LRRTM4: variants seen among roughly 807,000 people sequenced by gnomAD.
LRRTM4 encodes the protein leucine-rich repeat transmembrane neuronal protein 4.
LRRTM4 carries 25 observed loss-of-function variants against 47.6 expected under a neutral mutation model. The observed-to-expected ratio is 0.53, with a 90% CI of 0.38 to 0.73. The LOEUF is 0.73. Ranked by LOEUF, LRRTM4 falls within the 30% of genes least tolerant of loss-of-function variation. The pLI is 0.00. For missense variants in LRRTM4, 638 were observed against 713.4 expected (o/e 0.89, Z 1.20); for synonymous variants, 311 against 269.5 (o/e 1.15, Z -1.51).
At chr2:76,958,143 T>C (rs1675736932) in intron 3 of LRRTM4, among the ~76,000 whole-genome samples, 4 of 151,790 alleles carry the variant, frequency 2.6e-5, no homozygotes, top group Admixed American at 2.6e-4. Context: ...CAGCTTTCCC[T>C]TAGTTTGACA....
intron 3 of LRRTM4, among the ~76,000 whole-genome samples, chr2:76,792,651 C>A (rs1467759725): frequency 6.6e-6 from 1 of 151,998 alleles, no homozygotes; most frequent in South Asian, 2.1e-4. Context: ...TGCTAATGAT[C>A]AATTCTCTGT....
intron 3 of LRRTM4, among the ~76,000 whole-genome samples, chr2:77,319,891 T>A (rs1677736240): frequency 2.0e-5 from 3 of 152,218 alleles, no homozygotes; most frequent in Admixed American, 6.5e-5. Context: ...TAGGCTTGTA[T>A]ATTTGGATAA....
At chr2:77,240,536 T>C (rs1675229501) in intron 3 of LRRTM4, among the ~76,000 whole-genome samples, 1 of 152,014 alleles carries the variant, frequency 6.6e-6, no homozygotes, top group African/African-American at 2.4e-5. Context: ...CTATGTTGTT[T>C]TCTCAGTCTT....
intron 3 of LRRTM4, among the ~76,000 whole-genome samples, chr2:77,473,845 C>T (rs982383944): frequency 2.0e-5 from 3 of 152,074 alleles, no homozygotes; most frequent in African/African-American, 7.2e-5. Flanking sequence ...TCTCCATTTT[C>T]TTTGGCAGGT....
chr2:77,174,359 G>T (rs1439974357), intron 3 of LRRTM4, among the ~76,000 whole-genome samples: 1 of 152,182 alleles, frequency 6.6e-6, no homozygotes, highest in Non-Finnish European at 1.5e-5. Flanking sequence ...GGGTTTTGGA[G>T]GCAGAAGTAC....
chr2:77,243,354 G>C (rs972077487), intron 3 of LRRTM4, among the ~76,000 whole-genome samples: 3 of 150,198 alleles, frequency 2.0e-5, no homozygotes, highest in African/African-American at 7.4e-5. Context: ...AGGTTGCGGT[G>C]AGCCGAGATC....
At chr2:77,123,065 T>C (rs148049303) in intron 3 of LRRTM4, among the ~76,000 whole-genome samples, 1 of 151,838 alleles carries the variant, frequency 6.6e-6, no homozygotes, top group Non-Finnish European at 1.5e-5. Flanking sequence ...CAAAAAAAAG[T>C]TTTATTTTTT....
intron 3 of LRRTM4, among the ~76,000 whole-genome samples, chr2:76,785,997 CAAT>C (rs1162377158): frequency 2.0e-5 from 3 of 152,106 alleles, no homozygotes; most frequent in Non-Finnish European, 4.4e-5. Flanking sequence ...CAATTTAACT[CAAT>C]GATACCTAGC....
chr2:76,822,138 C>T (rs1157593841), intron 3 of LRRTM4, among the ~76,000 whole-genome samples: 1 of 151,382 alleles, frequency 6.6e-6, no homozygotes, highest in Non-Finnish European at 1.5e-5. Context: ...AAAATATTTA[C>T]TCAAGAAAAT....
At chr2:77,097,416 A>G (rs1187231670) in intron 3 of LRRTM4, among the ~76,000 whole-genome samples, 1 of 152,006 alleles carries the variant, frequency 6.6e-6, no homozygotes, top group Non-Finnish European at 1.5e-5. Context: ...GTTTGAAAAT[A>G]CACATTCTTC....
Position 77,128,461 on chromosome 2 carries a change from T to C in LRRTM4, c.1552-379545A>G, listed in dbSNP as rs559097453. Among the ~76,000 whole-genome samples, 6 of 152,274 alleles carry C rather than the reference T, an allele frequency of 3.9e-5. No homozygotes were observed. The South Asian group carries it at 8.3e-4, about 21-fold the overall frequency. On this transcript the variant is annotated intron_variant, in intron 3 of 3. Coordinates refer to ENST00000409884, the MANE Select transcript of LRRTM4 (RefSeq NM_001134745.3). ...AAATTTAAAACTAAAACTTTTTCCA[T>C]TGATGTACCTGGGCCTATGTATTTG...
At chr2:77,072,091 C>T (rs1234787508) in intron 3 of LRRTM4, among the ~76,000 whole-genome samples, 1 of 151,902 alleles carries the variant, frequency 6.6e-6, no homozygotes, top group Admixed American at 6.6e-5. Context: ...TTTATATATA[C>T]ATTAAAATAA....
At chr2:77,163,936 T>G (rs1000232385) in intron 3 of LRRTM4, among the ~76,000 whole-genome samples, 1 of 152,050 alleles carries the variant, frequency 6.6e-6, no homozygotes, top group Non-Finnish European at 1.5e-5. Context: ...ATCATAATGA[T>G]AGGATCAAAT....
At chr2:77,142,374 A>T (rs757881055) in intron 3 of LRRTM4, among the ~76,000 whole-genome samples, 1 of 151,830 alleles carries the variant, frequency 6.6e-6, no homozygotes, top group Non-Finnish European at 1.5e-5. Context: ...ACTAGACTAG[A>T]TCGAAAACCT....
chr2:77,244,299 C>T (rs544571746), intron 3 of LRRTM4, among the ~76,000 whole-genome samples: 123 of 146,912 alleles, frequency 8.4e-4, no homozygotes, highest in African/African-American at 3.0e-3. Context: ...AATGGGATGG[C>T]TGGGTTAAAT....
At chr2:77,175,370 G>A (rs145734038) in intron 3 of LRRTM4, among the ~76,000 whole-genome samples, 30 of 152,118 alleles carry the variant, frequency 2.0e-4, no homozygotes, top group Non-Finnish European at 3.7e-4. Flanking sequence ...GCTAAAGGGT[G>A]GAAGGCTACC....
At chr2:76,932,413 A>C (rs936182428) in intron 3 of LRRTM4, among the ~76,000 whole-genome samples, 1 of 152,092 alleles carries the variant, frequency 6.6e-6, no homozygotes, top group African/African-American at 2.4e-5. Flanking sequence ...TGATATGTAT[A>C]CAGGTACCTA....
At chr2:77,344,749 A>G (rs144512275) in intron 3 of LRRTM4, among the ~76,000 whole-genome samples, 2 of 151,992 alleles carry the variant, frequency 1.3e-5, no homozygotes, top group East Asian at 1.9e-4. Context: ...TTATATCCCA[A>G]TCAAACCGCT....
chr2:76,840,699 A>G (rs982844545), intron 3 of LRRTM4, among the ~76,000 whole-genome samples: 4 of 152,190 alleles, frequency 2.6e-5, no homozygotes, highest in Non-Finnish European at 4.4e-5. Context: ...TAAGAAAACA[A>G]AAGAGAGAGA....
Sources: gnomAD v4.1 joint callset for allele counts (sites outside exome capture counted in the v4.1 genomes callset) on GRCh38, gnomAD v4.1.1 for gene constraint, MANE v1.5 for transcripts, NCBI Gene and HGNC (gene_info 2026-07-23, HGNC 2026-07-21) for gene names.